The following FNDC3A variants were observed in gnomAD, a reference collection of about 807,000 sequenced individuals.
FNDC3A encodes fibronectin type III domain containing 3A.
Under a neutral mutation model 148.9 loss-of-function variants are expected in FNDC3A, and 32 were observed. That is an observed-to-expected ratio of 0.21 (90% CI 0.16 to 0.29). The LOEUF is 0.29. FNDC3A is among the 10% of genes least tolerant of loss of function. The probability of loss-of-function intolerance (pLI) is 1.00; values close to 1 mark genes in which losing one functional copy is unlikely to be tolerated. For missense variants in FNDC3A, 1,191 were observed against 1,452.8 expected (o/e 0.82, Z 2.93); for synonymous variants, 472 against 473.6 (o/e 1.00, Z 0.04).
intron 1 of FNDC3A, among the ~76,000 whole-genome samples, chr13:48,996,326 T>G (rs1952023697): frequency 6.6e-6 from 1 of 152,200 alleles, no homozygotes; most frequent in African/African-American, 2.4e-5. Context: ...GTTAAATGAC[T>G]AAAACTCTTT....
chr13:49,058,866 A>G (rs1489881562), intron 2 of FNDC3A, among the ~76,000 whole-genome samples: 1 of 152,172 alleles, frequency 6.6e-6, no homozygotes, highest in East Asian at 1.9e-4. Flanking sequence ...CAGTCTTCTA[A>G]TTGGTAGCTT....
At chr13:49,162,934 A>G (rs1884242354) in intron 8 of FNDC3A, among the ~76,000 whole-genome samples, 1 of 152,154 alleles carries the variant, frequency 6.6e-6, no homozygotes, top group East Asian at 1.9e-4. Flanking sequence ...AGGTATCACC[A>G]GCGGAGGCTG....
At position 48,994,782 on chromosome 13, in the gene FNDC3A, A is replaced by G. The variant is rs570927346; in HGVS notation, c.-39-11370A>G. Among the ~76,000 whole-genome samples, 50 of 152,242 alleles carry G rather than the reference A, an allele frequency of 3.3e-4. No individual in the cohort carries two copies. The East Asian group carries it at 5.0e-3, about 15-fold the overall frequency. Reference sequence around the variant, plus strand: ...ACAGAGCAAGACTCCATCTCAAAAAAAAAAAAAGAAATATTTGCAAATGAA... The same window carrying G: ...ACAGAGCAAGACTCCATCTCAAAAAGAAAAAAAGAAATATTTGCAAATGAA... On this transcript the variant is annotated intron_variant, in intron 1 of 25. Coordinates refer to ENST00000492622, the MANE Select transcript of FNDC3A (RefSeq NM_001079673.2).
At chr13:49,163,354 C>G (rs370284726) in intron 8 of FNDC3A, among the ~76,000 whole-genome samples, 255 of 152,314 alleles carry the variant, frequency 1.7e-3, no homozygotes, top group African/African-American at 6.0e-3. Flanking sequence ...CGCTCCTCCC[C>G]CAGCCTCGCT....
intron 3 of FNDC3A, among the ~76,000 whole-genome samples, chr13:49,087,195 A>G (rs1878870995): frequency 6.6e-6 from 1 of 152,166 alleles, no homozygotes; most frequent in Non-Finnish European, 1.5e-5. Context: ...GAGTGCTATT[A>G]AAATAAGCAA....
At chr13:49,133,352 A>G (rs1200418335) in intron 5 of FNDC3A, among the ~76,000 whole-genome samples, 1 of 152,222 alleles carries the variant, frequency 6.6e-6, no homozygotes, top group Non-Finnish European at 1.5e-5. Flanking sequence ...TAGTATTACA[A>G]TTATTACTAT....
At chr13:49,157,592 G>A (rs1327835773) in intron 8 of FNDC3A, among the ~76,000 whole-genome samples, 6 of 151,302 alleles carry the variant, frequency 4.0e-5, no homozygotes, top group African/African-American at 1.5e-4. Context: ...AGGAGGAGAG[G>A]TGCTCTGCGT....
chr13:49,113,051 C>T (rs2137872240), intron 3 of FNDC3A, among the ~76,000 whole-genome samples: 1 of 147,324 alleles, frequency 6.8e-6, no homozygotes, highest in East Asian at 2.1e-4. Context: ...CTCTTCTGTC[C>T]TTTCCCTCCC....
At chr13:49,054,556 G>C (rs1876087698) in intron 2 of FNDC3A, among the ~76,000 whole-genome samples, 1 of 152,206 alleles carries the variant, frequency 6.6e-6, no homozygotes, top group Non-Finnish European at 1.5e-5. Flanking sequence ...TGTTCTCATA[G>C]TGCATATTTC....
chr13:49,197,081 C>G, intron 20 of FNDC3A, 91 bp downstream of exon 20: 1 of 690,822 alleles, frequency 1.4e-6, no homozygotes, highest in South Asian at 2.4e-5. Flanking sequence ...TTTTTACCGC[C>G]TATATTATAC....
At chr13:49,035,807 A>G (rs1451734360) in intron 2 of FNDC3A, among the ~76,000 whole-genome samples, 2 of 152,102 alleles carry the variant, frequency 1.3e-5, no homozygotes, top group Non-Finnish European at 2.9e-5. Context: ...GACTCTTCTC[A>G]GTTGTTTGTC....
chr13:49,183,123 ACCT>A (rs1481234328), intron 14 of FNDC3A, among the ~76,000 whole-genome samples: 1 of 152,276 alleles, frequency 6.6e-6, no homozygotes, highest in East Asian at 1.9e-4. Flanking sequence ...TGAACCAGCT[ACCT>A]CACCAGATTA....
At chr13:49,193,223 T>G (rs189473139) in intron 19 of FNDC3A, among the ~76,000 whole-genome samples, 1 of 152,298 alleles carries the variant, frequency 6.6e-6, no homozygotes, top group African/African-American at 2.4e-5. Flanking sequence ...CAGTACTCTT[T>G]ATTTGTAGAT....
intron 1 of FNDC3A, among the ~76,000 whole-genome samples, chr13:48,989,236 A>G (rs535962952): frequency 2.0e-5 from 3 of 152,352 alleles, no homozygotes; most frequent in East Asian, 1.9e-4. Flanking sequence ...GTTATAACAA[A>G]TCTCCAGATT....
At chr13:48,990,588 CAAAAAAAAAAA>C (rs58007137) in intron 1 of FNDC3A, among the ~76,000 whole-genome samples, 3 of 58,136 alleles carry the variant, frequency 5.2e-5, no homozygotes, top group Non-Finnish European at 9.1e-5. Context: ...CCTGTCTCTC[CAAAAAAAAAAA>C]AAAAAAAAAA....
chr13:49,160,013 G>A (rs1028251738), intron 8 of FNDC3A, among the ~76,000 whole-genome samples: 6 of 152,120 alleles, frequency 3.9e-5, no homozygotes, highest in African/African-American at 7.2e-5. Context: ...TGCTGGATTC[G>A]GTTTGCCAGT....
At chr13:49,140,563 T>A (rs1366201743) in intron 7 of FNDC3A, among the ~76,000 whole-genome samples, 1 of 152,150 alleles carries the variant, frequency 6.6e-6, no homozygotes, top group Non-Finnish European at 1.5e-5. Context: ...CAGGTCAGGG[T>A]TTTTGCTTGC....
chr13:49,128,425 T>TTACA (rs1264955324), intron 4 of FNDC3A, among the ~76,000 whole-genome samples: 1 of 152,158 alleles, frequency 6.6e-6, no homozygotes, highest in Non-Finnish European at 1.5e-5. Flanking sequence ...GGGGTGATGT[T>TTACA]TTTGTTGCCC....
rs569761261 is a variant in FNDC3A, at chr13:49,143,408, A to T, written c.820-2370A>T. ...TTTAAGTTGAAATTAGCATTTTAAA[A>T]TTTTTTTAATTTATTTTTAAAACTA... On this transcript the variant is annotated intron_variant, in intron 7 of 25. Coordinates refer to ENST00000492622, the MANE Select transcript of FNDC3A (RefSeq NM_001079673.2). Among the ~76,000 whole-genome samples, 20 of 152,206 alleles carry T rather than the reference A, an allele frequency of 1.3e-4. No homozygotes were observed. In the South Asian group the frequency reaches 3.7e-3, roughly 28 times the overall value.
Sources: allele counts gnomAD v4.1 joint callset (sites outside exome capture counted in the v4.1 genomes callset), GRCh38; gene constraint gnomAD v4.1.1; transcripts MANE v1.5; gene names NCBI Gene and HGNC (gene_info 2026-07-23, HGNC 2026-07-21).